Variants in DAB1 observed in about 807,000 individuals in gnomAD.
DAB1 encodes the protein disabled homolog 1.
In DAB1, 15 loss-of-function variants were observed where a neutral mutation model predicts 64.6. The observed-to-expected ratio is 0.23, with a 90% CI of 0.16 to 0.36. The LOEUF is 0.36. DAB1 is among the 10% of genes least tolerant of loss of function. The pLI is 1.00. For missense variants in DAB1, 596 were observed against 706.7 expected, an observed-to-expected ratio of 0.84 and a Z score of 1.78; for synonymous variants, 235 against 251.9, an observed-to-expected ratio of 0.93 and a Z score of 0.64.
At chr1:57,656,375 T>A (rs1275818604) in intron 6 of DAB1, among the ~76,000 whole-genome samples, 2 of 152,218 alleles carry the variant, frequency 1.3e-5, no homozygotes, top group Non-Finnish European at 2.9e-5. Flanking sequence ...TGTGTTTTTG[T>A]GCTCGCTTTG....
At chr1:57,265,894 G>C (rs756110462) in intron 2 of DAB1, among the ~76,000 whole-genome samples, 22 of 152,166 alleles carry the variant, frequency 1.4e-4, no homozygotes, top group Admixed American at 4.6e-4. Flanking sequence ...AGCAAACTCA[G>C]TCTAGAAGCT....
chr1:58,155,345 A>G (rs1027015943), intron 4 of DAB1, among the ~76,000 whole-genome samples: 13 of 152,172 alleles, frequency 8.5e-5, no homozygotes, highest in African/African-American at 2.9e-4. Context: ...CAATTAGGGG[A>G]TTGGTACTAC....
chr1:57,003,883 TA>T (rs1378412262), intron 14 of DAB1, among the ~76,000 whole-genome samples: 1 of 152,230 alleles, frequency 6.6e-6, no homozygotes, highest in Non-Finnish European at 1.5e-5. Flanking sequence ...TTCTTCACCC[TA>T]AAGACTTCTC....
Position 57,606,602 on chromosome 1 carries a change from T to A in DAB1, n.625+42990A>T, listed in dbSNP as rs1416125076. 2.7e-5 allele frequency among the ~76,000 whole-genome samples: 3 copies of A among 110,914 alleles called. No homozygotes were observed. In the Admixed American group the frequency reaches 3.6e-4, roughly 13 times the overall value. The allele number at this position is 110,914 out of a possible 152,430, so 72.8% of individuals were successfully genotyped here. A position where few individuals can be genotyped will look rare whatever the true frequency, so the allele number is the denominator to read the frequency against. On this transcript the variant is annotated intron_variant and non_coding_transcript_variant, in intron 7 of 20. Transcript: ENST00000485760. The stretch of plus-strand genomic sequence containing the variant: ...ATATAATATAATATATTATATATTA[T>A]ATATATGAAATATATAATATATGAA...
chr1:57,764,137 C>T (rs1649206339), intron 6 of DAB1, among the ~76,000 whole-genome samples: 1 of 152,176 alleles, frequency 6.6e-6, no homozygotes, highest in African/African-American at 2.4e-5. Flanking sequence ...ACTTCACTGA[C>T]TCTAACACTG....
At chr1:57,677,754 C>T (rs895166961) in intron 6 of DAB1, among the ~76,000 whole-genome samples, 1 of 152,166 alleles carries the variant, frequency 6.6e-6, no homozygotes, top group Non-Finnish European at 1.5e-5. Flanking sequence ...GAAGGGTATA[C>T]CTTCAGTCAA....
At chr1:57,696,274 G>A (rs1477348906) in intron 6 of DAB1, among the ~76,000 whole-genome samples, 3 of 152,106 alleles carry the variant, frequency 2.0e-5, no homozygotes, top group African/African-American at 7.2e-5. Flanking sequence ...AAACAGGCCT[G>A]AGATGGAAAT....
intron 5 of DAB1, among the ~76,000 whole-genome samples, chr1:57,963,400 G>C (rs558164288): frequency 2.2e-4 from 33 of 152,182 alleles, no homozygotes; most frequent in African/African-American, 8.0e-4. Context: ...AGTTTCACAT[G>C]AACCTCTGCT....
chr1:57,528,556 TA>T (rs754990206), intron 7 of DAB1, among the ~76,000 whole-genome samples: 22 of 151,340 alleles, frequency 1.5e-4, no homozygotes, highest in Admixed American at 3.3e-4. Context: ...CCAAGTAGAA[TA>T]AAAACAAAGA....
chr1:57,623,931 A>T (rs1465705607), intron 7 of DAB1, among the ~76,000 whole-genome samples: 1 of 152,190 alleles, frequency 6.6e-6, no homozygotes, highest in Non-Finnish European at 1.5e-5. Context: ...GCTATGCACT[A>T]ACAAAACACA....
chr1:57,681,453 T>TA (rs1646635682), intron 6 of DAB1, among the ~76,000 whole-genome samples: 1 of 152,192 alleles, frequency 6.6e-6, no homozygotes, highest in Non-Finnish European at 1.5e-5. Flanking sequence ...GAAAAAACTT[T>TA]AACCCATTTC....
chr1:58,085,096 A>G (rs1323558849), intron 5 of DAB1, among the ~76,000 whole-genome samples: 1 of 152,196 alleles, frequency 6.6e-6, no homozygotes, highest in Non-Finnish European at 1.5e-5. Flanking sequence ...ATCAGGAGGA[A>G]AAAATGAATC....
chr1:57,210,794 G>T (rs996793549), intron 2 of DAB1, among the ~76,000 whole-genome samples: 1 of 152,146 alleles, frequency 6.6e-6, no homozygotes, highest in East Asian at 1.9e-4. Flanking sequence ...GTTACCAATA[G>T]AAAATATTTT....
At chr1:57,283,772 T>A (rs1672096420) in intron 2 of DAB1, among the ~76,000 whole-genome samples, 1 of 152,228 alleles carries the variant, frequency 6.6e-6, no homozygotes, top group African/African-American at 2.4e-5. Flanking sequence ...GTTTGGGATC[T>A]ACTGAGTGGA....
intron 1 of DAB1, among the ~76,000 whole-genome samples, chr1:57,326,777 T>A (rs1200525576): frequency 1.3e-5 from 2 of 152,106 alleles, no homozygotes; most frequent in East Asian, 3.9e-4. Flanking sequence ...AATCCCATCA[T>A]GAGAGTACCA....
At chr1:58,513,792 T>C (rs1557448276) in intron 2 of DAB1, among the ~76,000 whole-genome samples, 1 of 152,182 alleles carries the variant, frequency 6.6e-6, no homozygotes, top group Admixed American at 6.5e-5. Context: ...TCATAACAAC[T>C]TCATGTGGTA....
At chr1:57,944,672 G>A (rs1289214517) in intron 5 of DAB1, among the ~76,000 whole-genome samples, 1 of 152,154 alleles carries the variant, frequency 6.6e-6, no homozygotes, top group African/African-American at 2.4e-5. Flanking sequence ...AAGTTGATTT[G>A]TAAGTGTCTA....
chr1:58,154,986 C>CTCTA (rs1016346423), intron 4 of DAB1, among the ~76,000 whole-genome samples: 2 of 152,168 alleles, frequency 1.3e-5, no homozygotes, highest in Non-Finnish European at 2.9e-5. Context: ...AACCTAGAGA[C>CTCTA]TTAGAGGAGA....
chr1:57,547,571 C>T (rs1033641333), intron 7 of DAB1, among the ~76,000 whole-genome samples: 1 of 152,130 alleles, frequency 6.6e-6, no homozygotes, highest in Non-Finnish European at 1.5e-5. Flanking sequence ...TCACTTCATT[C>T]GAGTCTCTTC....
Sources: allele counts gnomAD v4.1 joint callset (sites outside exome capture counted in the v4.1 genomes callset), GRCh38; gene constraint gnomAD v4.1.1; transcripts MANE v1.5; gene names NCBI Gene and HGNC (gene_info 2026-07-23, HGNC 2026-07-21).